Variants in SNX18 observed in about 807,000 individuals in gnomAD.
The protein encoded by SNX18 is sorting nexin-18.
SNX18 carries 35 observed loss-of-function variants against 48.7 expected under a neutral mutation model. The ratio of observed to expected loss-of-function variants is 0.72; its 90% CI spans 0.55 to 0.95. The LOEUF is 0.95. Among genes scored for constraint, SNX18 ranks in the 40% least tolerant of loss-of-function variants. The pLI, the probability that SNX18 is intolerant of heterozygous loss-of-function variation, is 0.00. For missense variants in SNX18, 824 were observed against 871.0 expected, an observed-to-expected ratio of 0.95 and a Z score of 0.68; for synonymous variants, 492 against 384.7, an observed-to-expected ratio of 1.28 and a Z score of -3.26.
the SNX18 span, chr5:54,644,811 G>A: frequency 1.3e-5 from 2 of 152,278 alleles, no homozygotes; most frequent in Non-Finnish European, 2.9e-5. Flanking sequence ...CAGAAAGATA[G>A]AAGAGCCTGG....
chr5:54,584,046 CT>C, the SNX18 span, among the ~76,000 whole-genome samples: 14,387 of 110,480 alleles, frequency 0.13, 551 homozygotes, highest in East Asian at 0.24. Flanking sequence ...GTGTGTAGCT[CT>C]TTTTTTTTTT....
the SNX18 span, among the ~76,000 whole-genome samples, chr5:54,605,452 C>T: frequency 1.3e-5 from 2 of 152,144 alleles, no homozygotes; most frequent in Non-Finnish European, 2.9e-5. Flanking sequence ...CCAGGAACCA[C>T]GTGGGCCATA....
At chr5:54,578,502 G>A in the SNX18 span, among the ~76,000 whole-genome samples, 671 of 152,308 alleles carry the variant, frequency 4.4e-3, 5 homozygotes, top group African/African-American at 0.016. Context: ...GTCCAGCTAC[G>A]TACTTGGGAA....
At chr5:54,558,811 A>G in the SNX18 span, among the ~76,000 whole-genome samples, 1 of 152,204 alleles carries the variant, frequency 6.6e-6, no homozygotes, top group Non-Finnish European at 1.5e-5. Context: ...ATTATAACAC[A>G]TGCCATGCCG....
chr5:54,532,627 A>C (rs1237258013), intron 1 of SNX18, among the ~76,000 whole-genome samples: 1 of 152,212 alleles, frequency 6.6e-6, no homozygotes, highest in Non-Finnish European at 1.5e-5. Context: ...CAGGCAAATC[A>C]ACATTGCCAC....
chr5:54,583,470 A>G, the SNX18 span, among the ~76,000 whole-genome samples: 1 of 152,216 alleles, frequency 6.6e-6, no homozygotes, highest in Non-Finnish European at 1.5e-5. Flanking sequence ...CTGTGTCATG[A>G]TAAAGTCAGT....
Position 54,543,285 on chromosome 5 carries a change from C to T in SNX18, c.1728C>T (p.Ala576=), listed in dbSNP as rs768856860. Residue 576 remains alanine, a synonymous_variant, in exon 2 of 2, where the codon GCC becomes GCT. Transcript: ENST00000381410. ...ATCGCTGTAACACTATTTCTTTTGC[C>T]ACTTTGGCTGAAATTCACCACTTCC... ...IQDRCNTISF[A]TLAEIHHFHQ... is the part of the protein sequence containing the mutation. 1 of 1,614,156 alleles carries T rather than the reference C, an allele frequency of 6.2e-7. No homozygotes were observed. The highest frequency in any genetic ancestry group is 1.1e-5 in the South Asian group (1 of 91,084).
intron 1 of SNX18, among the ~76,000 whole-genome samples, chr5:54,527,311 G>C (rs1337967997): frequency 6.6e-6 from 1 of 152,142 alleles, no homozygotes; most frequent in Non-Finnish European, 1.5e-5. Flanking sequence ...GAGAGATGCT[G>C]GTGGCCTGGA....
At chr5:54,584,978 A>G in the SNX18 span, among the ~76,000 whole-genome samples, 33 of 152,344 alleles carry the variant, frequency 2.2e-4, no homozygotes, top group African/African-American at 7.5e-4. Flanking sequence ...TGTGGTTAAA[A>G]TGTAAACAGA....
intron 1 of SNX18, among the ~76,000 whole-genome samples, chr5:54,541,893 G>T (rs1762477682): frequency 1.3e-5 from 2 of 152,098 alleles, no homozygotes; most frequent in Admixed American, 1.3e-4. Context: ...TAGAAATAGG[G>T]CATCTTCCCT....
chr5:54,618,141 A>C, the SNX18 span, among the ~76,000 whole-genome samples: 1 of 152,130 alleles, frequency 6.6e-6, no homozygotes, highest in Non-Finnish European at 1.5e-5. Context: ...GTGAGTTCTC[A>C]TGAGATCTGA....
rs530333474 is a variant in SNX18 at position 54,539,438 on chromosome 5, A to G, written c.1622-3741A>G. Among the ~76,000 whole-genome samples, 10 of 152,378 alleles carry G rather than the reference A, an allele frequency of 6.6e-5. No homozygotes were observed. The East Asian group carries it at 1.7e-3, about 26-fold the overall frequency. Reference sequence around the variant, plus strand: ...TTCTAGCAGCTACCATTTACTGTTCAGATATTCTATTCCCTGCCCTCCACC... The same window carrying G: ...TTCTAGCAGCTACCATTTACTGTTCGGATATTCTATTCCCTGCCCTCCACC... On this transcript the variant is annotated intron_variant, in intron 1 of 1. Transcript: ENST00000381410.
At chr5:54,564,437 G>T in the SNX18 span, among the ~76,000 whole-genome samples, 7 of 151,952 alleles carry the variant, frequency 4.6e-5, no homozygotes, top group Admixed American at 1.3e-4. Flanking sequence ...CTTTGACTAA[G>T]TTTATCAGTT....
At chr5:54,614,582 A>G in the SNX18 span, among the ~76,000 whole-genome samples, 1 of 152,112 alleles carries the variant, frequency 6.6e-6, no homozygotes, top group African/African-American at 2.4e-5. Context: ...TGAGACAGGT[A>G]AATTGCTTGA....
chr5:54,612,361 C>T, the SNX18 span, among the ~76,000 whole-genome samples: 1 of 151,822 alleles, frequency 6.6e-6, no homozygotes, highest in Non-Finnish European at 1.5e-5. Context: ...CGGGTTCAAG[C>T]GGTTCTCTTG....
intron 1 of SNX18, among the ~76,000 whole-genome samples, chr5:54,542,658 A>G (rs1762494344): frequency 6.6e-6 from 1 of 152,248 alleles, no homozygotes. Flanking sequence ...ACATGATTCC[A>G]AAACACAACC....
At chr5:54,614,933 A>G in the SNX18 span, among the ~76,000 whole-genome samples, 1 of 152,206 alleles carries the variant, frequency 6.6e-6, no homozygotes, top group Non-Finnish European at 1.5e-5. Flanking sequence ...CCCTAAGAAA[A>G]AGGTATAATT....
At chr5:54,570,930 A>G in the SNX18 span, among the ~76,000 whole-genome samples, 12 of 152,244 alleles carry the variant, frequency 7.9e-5, no homozygotes, top group Non-Finnish European at 1.8e-4. Context: ...TGTTCTTTAC[A>G]GATGTAATGC....
chr5:54,629,725 T>C, the SNX18 span, among the ~76,000 whole-genome samples: 1 of 152,238 alleles, frequency 6.6e-6, no homozygotes, highest in Non-Finnish European at 1.5e-5. Context: ...CAGTGCTTTG[T>C]ACAAAGTTGT....
Sources: gnomAD v4.1 joint callset for allele counts (sites outside exome capture counted in the v4.1 genomes callset) on GRCh38, gnomAD v4.1.1 for gene constraint, MANE v1.5 for transcripts, NCBI Gene and HGNC (gene_info 2026-07-23, HGNC 2026-07-21) for gene names.